Variants in ASIC2 observed in about 807,000 individuals in gnomAD.
ASIC2 encodes the protein acid sensing ion channel subunit 2.
ASIC2 carries 25 observed loss-of-function variants against 57.3 expected under a neutral mutation model. The observed-to-expected ratio is 0.44, with a 90% CI of 0.32 to 0.61. The LOEUF (loss-of-function observed/expected upper bound fraction) is 0.61, where lower values mean the gene tolerates loss of function less well. ASIC2 is among the 20% of genes least tolerant of loss of function. The pLI is 0.06. For synonymous variants in ASIC2, 319 were observed against 307.5 expected (o/e 1.04, Z -0.39); for missense variants, 641 against 738.1 (o/e 0.87, Z 1.52).
In ASIC2 at chr17:34,008,669, G is replaced by T. The variant is rs1451340171; in HGVS notation, c.555+147309C>A. The stretch of plus-strand genomic sequence containing the variant: ...AATTTGTTATTGTGACAAGGGAAGG[G>T]CCTTCCCTCCCTGTACTCACACACT... On this transcript the variant is annotated intron_variant, in intron 1 of 9. Transcript: ENST00000359872. Among the ~76,000 whole-genome samples, 3 of 152,198 alleles carry T rather than the reference G, an allele frequency of 2.0e-5. No homozygotes were observed. The East Asian group carries it at 5.8e-4, about 29-fold the overall frequency.
intron 1 of ASIC2, among the ~76,000 whole-genome samples, chr17:33,436,850 C>CTTTTTTTTTTTTTTTT (rs1244300127): frequency 3.9e-5 from 3 of 76,038 alleles, no homozygotes; most frequent in Non-Finnish European, 8.2e-5. Flanking sequence ...CACATTCCAA[C>CTTTTTTTTTTTTTTTT]TTCTTTTTTT....
intron 1 of ASIC2, among the ~76,000 whole-genome samples, chr17:33,647,519 G>A (rs1012945391): frequency 3.3e-5 from 5 of 152,190 alleles, no homozygotes; most frequent in African/African-American, 7.2e-5. Flanking sequence ...GCTTGCAGTA[G>A]GGAGGTCTGG....
At chr17:33,766,404 C>T (rs1012992436) in intron 1 of ASIC2, among the ~76,000 whole-genome samples, 19 of 152,292 alleles carry the variant, frequency 1.2e-4, no homozygotes, top group African/African-American at 4.6e-4. Flanking sequence ...TCACACTCTC[C>T]AAGTGGTTTC....
intron 3 of ASIC2, among the ~76,000 whole-genome samples, chr17:33,034,384 C>T (rs2091899945): frequency 6.6e-6 from 1 of 152,122 alleles, no homozygotes; most frequent in South Asian, 2.1e-4. Flanking sequence ...GTAGTATCAG[C>T]TACTCATGAG....
intron 1 of ASIC2, among the ~76,000 whole-genome samples, chr17:33,192,257 C>T (rs1199279843): frequency 6.6e-6 from 1 of 152,050 alleles, no homozygotes; most frequent in Non-Finnish European, 1.5e-5. Context: ...TTGGTGGGTG[C>T]CTGTAATCCC....
intron 1 of ASIC2, among the ~76,000 whole-genome samples, chr17:33,625,631 C>T (rs1905960152): frequency 6.6e-6 from 1 of 152,206 alleles, no homozygotes; most frequent in African/African-American, 2.4e-5. Context: ...AGAGTTGTCA[C>T]ACAAACTTTT....
At chr17:33,820,182 A>C (rs1343267230) in intron 1 of ASIC2, among the ~76,000 whole-genome samples, 3 of 152,206 alleles carry the variant, frequency 2.0e-5, no homozygotes, top group African/African-American at 4.8e-5. Flanking sequence ...AAAAAGTCTT[A>C]CTAGGTTCAG....
intron 1 of ASIC2, among the ~76,000 whole-genome samples, chr17:33,780,734 T>C (rs1180626728): frequency 6.6e-6 from 1 of 152,208 alleles, no homozygotes; most frequent in Non-Finnish European, 1.5e-5. Context: ...GCTCAGGTTC[T>C]GCTCCCAGGC....
chr17:33,901,720 G>A (rs1915234739), intron 1 of ASIC2, among the ~76,000 whole-genome samples: 1 of 152,090 alleles, frequency 6.6e-6, no homozygotes, highest in African/African-American at 2.4e-5. Context: ...AATTCTGATG[G>A]CATAGAAAAT....
chr17:33,320,246 G>GTT (rs1381488249), intron 1 of ASIC2, among the ~76,000 whole-genome samples: 1 of 152,092 alleles, frequency 6.6e-6, no homozygotes, highest in African/African-American at 2.4e-5. Flanking sequence ...AAATTTTGAG[G>GTT]TATTTTTTTA....
intron 1 of ASIC2, among the ~76,000 whole-genome samples, chr17:33,524,281 G>C (rs1278340016): frequency 5.9e-5 from 9 of 152,124 alleles, no homozygotes; most frequent in Non-Finnish European, 8.8e-5. Context: ...CCCCTTTTTA[G>C]CCTTCCCAGT....
chr17:33,667,245 G>A (rs752860911), intron 1 of ASIC2, among the ~76,000 whole-genome samples: 2 of 152,224 alleles, frequency 1.3e-5, no homozygotes, highest in Non-Finnish European at 2.9e-5. Flanking sequence ...AGACGCAGGT[G>A]TGGTTGGCAC....
intron 1 of ASIC2, among the ~76,000 whole-genome samples, chr17:33,568,153 A>G (rs1019352012): frequency 6.6e-6 from 1 of 152,054 alleles, no homozygotes; most frequent in South Asian, 2.1e-4. Flanking sequence ...ACATGACCCA[A>G]ATGGGTGCCA....
intron 1 of ASIC2, among the ~76,000 whole-genome samples, chr17:33,345,694 A>G (rs996503680): frequency 6.6e-6 from 1 of 152,244 alleles, no homozygotes; most frequent in East Asian, 1.9e-4. Flanking sequence ...CAAAGACTGA[A>G]TCATACAGGG....
At chr17:33,560,954 A>G (rs4363900) in intron 1 of ASIC2, among the ~76,000 whole-genome samples, 86,071 of 151,932 alleles carry the variant, frequency 0.57, 25,540 homozygotes, top group African/African-American at 0.75. Context: ...AAAATACCAC[A>G]TCGCCTCCCT....
intron 1 of ASIC2, among the ~76,000 whole-genome samples, chr17:34,116,214 GA>G (rs1360103480): frequency 1.7e-4 from 26 of 152,272 alleles, no homozygotes; most frequent in African/African-American, 6.3e-4. Context: ...GCATTGACCT[GA>G]GTTTGAATCC....
Position 33,097,950 on chromosome 17 carries a change from A to G in ASIC2, c.860-8960T>C, listed in dbSNP as rs529134853. ...AGAGAGGCAGAGAAGTGCATCAAGG[A>G]AAACACGGGCTCTGAAATCACAGAG... On this transcript the variant is annotated intron_variant, in intron 2 of 9. Coordinates refer to ENST00000225823, the MANE Select transcript of ASIC2 (RefSeq NM_183377.2). Among the ~76,000 whole-genome samples the G allele has an allele frequency of 7.2e-5, 11 of 152,320 alleles. No homozygotes were observed. The East Asian group carries it at 2.1e-3, about 29-fold the overall frequency.
intron 1 of ASIC2, among the ~76,000 whole-genome samples, chr17:33,546,805 A>G (rs1424843713): frequency 6.6e-6 from 1 of 152,166 alleles, no homozygotes; most frequent in Non-Finnish European, 1.5e-5. Context: ...TAGCTGGCAC[A>G]GGACCTTGCT....
At chr17:33,147,739 G>T (rs1490119680) in intron 1 of ASIC2, among the ~76,000 whole-genome samples, 4 of 152,148 alleles carry the variant, frequency 2.6e-5, no homozygotes, top group African/African-American at 7.2e-5. Context: ...AGACTCAGCT[G>T]GCATGCAGGG....
Sources: allele counts gnomAD v4.1 joint callset (sites outside exome capture counted in the v4.1 genomes callset), GRCh38; gene constraint gnomAD v4.1.1; transcripts MANE v1.5; gene names NCBI Gene and HGNC (gene_info 2026-07-23, HGNC 2026-07-21).